MAGI1: variants seen among roughly 807,000 people sequenced by gnomAD.
MAGI1 encodes membrane associated guanylate kinase, WW and PDZ domain containing 1.
A neutral mutation model predicts 139.9 loss-of-function variants in MAGI1; 58 were observed. The ratio of observed to expected loss-of-function variants is 0.41; its 90% CI spans 0.34 to 0.52. MAGI1 has a LOEUF of 0.52. Among genes scored for constraint, MAGI1 ranks in the 20% least tolerant of loss-of-function variants. The pLI, the probability that MAGI1 is intolerant of heterozygous loss-of-function variation, is 0.12. For missense variants in MAGI1, 1,874 were observed against 1,901.6 expected (o/e 0.99, Z 0.27); for synonymous variants, 812 against 737.9 (o/e 1.10, Z -1.63).
intron 12 of MAGI1, 58 bp downstream of exon 12, chr3:65,429,462 G>C: frequency 6.6e-7 from 1 of 1,508,726 alleles, no homozygotes; most frequent in South Asian, 1.3e-5. Context: ...AGATGAGTAA[G>C]TTAAGCAATG....
At chr3:65,734,308 G>C (rs2034485143) in intron 1 of MAGI1, among the ~76,000 whole-genome samples, 1 of 151,842 alleles carries the variant, frequency 6.6e-6, no homozygotes, top group South Asian at 2.1e-4. Flanking sequence ...AAAATTTAAA[G>C]ACTTGGCCAG....
At position 65,564,119 on chromosome 3, in the gene MAGI1, C is replaced by T. The variant is rs1365811065; in HGVS notation, c.430+57853G>A. Among the ~76,000 whole-genome samples, 3 of 152,118 alleles carry T rather than the reference C, an allele frequency of 2.0e-5. No homozygotes were observed. The East Asian group carries it at 5.8e-4, about 29-fold the overall frequency. On this transcript the variant is annotated intron_variant, in intron 2 of 22. Coordinates refer to ENST00000402939, the MANE Select transcript of MAGI1 (RefSeq NM_001033057.2). ...GCATTTACGCTTTCCCATTGTTTCACTCTTCTCAAAGCCGTCCTCCTGACT... is the reference window on the plus strand; with the variant it reads ...GCATTTACGCTTTCCCATTGTTTCATTCTTCTCAAAGCCGTCCTCCTGACT...
chr3:65,390,629 C>T (rs1316393573), intron 14 of MAGI1, among the ~76,000 whole-genome samples: 1 of 152,156 alleles, frequency 6.6e-6, no homozygotes, highest in Non-Finnish European at 1.5e-5. Flanking sequence ...AATTAAAGCA[C>T]AACCACTCAC....
At chr3:65,648,623 T>C (rs2085411157) in intron 1 of MAGI1, among the ~76,000 whole-genome samples, 1 of 152,200 alleles carries the variant, frequency 6.6e-6, no homozygotes, top group African/African-American at 2.4e-5. Flanking sequence ...GTCGACACAG[T>C]AAATATAGTA....
chr3:65,491,854 A>G (rs1355876397), intron 3 of MAGI1, among the ~76,000 whole-genome samples: 1 of 152,150 alleles, frequency 6.6e-6, no homozygotes, highest in Non-Finnish European at 1.5e-5. Flanking sequence ...TTCCTGATTC[A>G]TGAGCAGGAA....
At chr3:65,844,277 T>A in intron 1 of MAGI1, 1 of 393,484 alleles carries the variant, frequency 2.5e-6, no homozygotes, top group Non-Finnish European at 4.9e-6. Flanking sequence ...CTACAGGACT[T>A]GCAGAGCTCA....
chr3:65,704,272 C>A (rs1441720585), intron 1 of MAGI1, among the ~76,000 whole-genome samples: 1 of 152,192 alleles, frequency 6.6e-6, no homozygotes, highest in Non-Finnish European at 1.5e-5. Flanking sequence ...TTAGGAGACA[C>A]CTCATTTGCA....
intron 1 of MAGI1, among the ~76,000 whole-genome samples, chr3:65,943,027 A>C (rs2063385978): frequency 6.6e-6 from 1 of 152,166 alleles, no homozygotes; most frequent in African/African-American, 2.4e-5. Context: ...TCTCAAAAGA[A>C]AACAAATTTG....
intron 8 of MAGI1, among the ~76,000 whole-genome samples, chr3:65,442,532 C>T (rs753549217): frequency 7.2e-5 from 11 of 151,992 alleles, no homozygotes; most frequent in Non-Finnish European, 1.2e-4. Flanking sequence ...TGCCATATAC[C>T]AGGACGATGT....
intron 2 of MAGI1, among the ~76,000 whole-genome samples, chr3:65,556,773 A>T (rs2080103307): frequency 6.6e-6 from 1 of 152,188 alleles, no homozygotes; most frequent in South Asian, 2.1e-4. Context: ...AGTAAATCTG[A>T]CTATGTCATT....
intron 1 of MAGI1, among the ~76,000 whole-genome samples, chr3:65,893,549 A>G (rs1384312955): frequency 6.6e-6 from 1 of 152,222 alleles, no homozygotes; most frequent in Non-Finnish European, 1.5e-5. Context: ...AATTCTCATC[A>G]GAAGTCCAGA....
intron 2 of MAGI1, among the ~76,000 whole-genome samples, chr3:65,552,298 C>A (rs1027334646): frequency 2.0e-5 from 3 of 150,848 alleles, no homozygotes. Flanking sequence ...GTCCCCATTC[C>A]AATTTCCCAA....
Position 65,778,167 on chromosome 3 carries a change from C to T in MAGI1, c.314-156079G>A, listed in dbSNP as rs531812601. ...AAGTTCGGCCAGGTGCAGTGACTCA[C>T]GCCTGTAATCCCAGCACTTTGGGGG... On this transcript the variant is annotated intron_variant, in intron 1 of 22. Transcript: ENST00000402939. Among the ~76,000 whole-genome samples the T allele has an allele frequency of 2.0e-4, 30 of 152,254 alleles. 1 individual carries two copies. Among genetic ancestry groups the T allele is most frequent in the Non-Finnish European group, 1.0e-4 (7 of 68,022 alleles).
intron 1 of MAGI1, among the ~76,000 whole-genome samples, chr3:65,725,327 G>C (rs1274917246): frequency 6.6e-6 from 1 of 152,102 alleles, no homozygotes; most frequent in Non-Finnish European, 1.5e-5. Context: ...TGAAAAACAG[G>C]GAGAGTAATG....
At chr3:66,015,709 A>C (rs894299765) in intron 1 of MAGI1, among the ~76,000 whole-genome samples, 3 of 152,090 alleles carry the variant, frequency 2.0e-5, no homozygotes, top group African/African-American at 7.2e-5. Context: ...TAGTAGCTTA[A>C]TTTTTATCCC....
chr3:65,383,703 G>T, intron 14 of MAGI1, 80 bp from the exon 15 acceptor site: 2 of 864,086 alleles, frequency 2.3e-6, no homozygotes, highest in East Asian at 2.4e-5. Context: ...ACAGTTGCAG[G>T]ACAAGAATGG....
chr3:65,915,662 G>T (rs1298220912), intron 1 of MAGI1, among the ~76,000 whole-genome samples: 1 of 152,116 alleles, frequency 6.6e-6, no homozygotes, highest in African/African-American at 2.4e-5. Context: ...GGGTTATCCA[G>T]TGTATCCTTC....
rs147054857 is a variant in MAGI1 at position 65,620,056 on chromosome 3, A to G, written c.430+1916T>C. ...AAATCAAGCCATTTAGCTCACAGTC[A>G]GGTCCAATAAATCAGTGGAAAAAAT... is the stretch of plus-strand genomic sequence containing the variant. On this transcript the variant is annotated intron_variant, in intron 2 of 22. Transcript: ENST00000402939. 1.2e-3 allele frequency: 1,118 copies of G among 915,858 alleles called. 12 individuals are homozygous for G. The African/African-American group carries it at 0.018, about 15-fold the overall frequency. The allele number at this position is 915,858 out of a possible 1,614,324, so 56.7% of individuals were successfully genotyped here.
intron 18 of MAGI1, chr3:65,365,196 C>A (rs755886852): frequency 2.9e-5 from 20 of 680,762 alleles, no homozygotes; most frequent in Non-Finnish European, 4.9e-5. Context: ...ACAGAGTTTG[C>A]CAAAGAAAAC....
Sources: gnomAD v4.1 joint callset for allele counts (sites outside exome capture counted in the v4.1 genomes callset) on GRCh38, gnomAD v4.1.1 for gene constraint, MANE v1.5 for transcripts, NCBI Gene and HGNC (gene_info 2026-07-23, HGNC 2026-07-21) for gene names.